Variants in SHISA5 observed in about 807,000 individuals in gnomAD.
SHISA5 encodes the protein shisa family member 5, also known as protein shisa-5.
SHISA5 carries 21 observed loss-of-function variants against 27.5 expected under a neutral mutation model. That is an observed-to-expected ratio of 0.76 (90% CI 0.54 to 1.10). SHISA5 has a LOEUF of 1.10. Ranked by LOEUF, SHISA5 falls within the 50% of genes least tolerant of loss-of-function variation. The pLI is 0.00. For missense variants in SHISA5, 314 were observed against 336.3 expected (o/e 0.93, Z 0.52); for synonymous variants, 137 against 142.2 (o/e 0.96, Z 0.26).
chr3:48,468,807 C>G lies in SHISA5; in HGVS notation c.*300G>C. 1 of 1,453,518 alleles carries G rather than the reference C, an allele frequency of 6.9e-7. No homozygotes were observed. The highest frequency in any genetic ancestry group is 9.1e-7 in the Non-Finnish European group (1 of 1,094,264). The allele number at this position is 1,453,518 out of a possible 1,614,324, so 90.0% of individuals were successfully genotyped here. A position where few individuals can be genotyped will look rare whatever the true frequency, so the allele number is the denominator to read the frequency against. Reference sequence around the variant, plus strand: ...GAGGCCCCCACCTCTCAGGGGCCACCTCACAGGGTGCCCCCCACCACCCCA... The same window carrying G: ...GAGGCCCCCACCTCTCAGGGGCCACGTCACAGGGTGCCCCCCACCACCCCA... On this transcript the variant is annotated 3_prime_UTR_variant, in exon 6 of 6. Transcript: ENST00000296444.
At chr3:48,482,937 T>C (rs1560126469) in intron 2 of SHISA5, among the ~76,000 whole-genome samples, 1 of 151,886 alleles carries the variant, frequency 6.6e-6, no homozygotes, top group East Asian at 1.9e-4. Context: ...CCGGCCTTTT[T>C]CTCTTTGACA....
At chr3:48,503,944 C>T in intron 1 of SHISA5, 75 bp downstream of exon 1, 2 of 1,412,544 alleles carry the variant, frequency 1.4e-6, no homozygotes, top group Non-Finnish European at 9.3e-7. Context: ...TGCTGCCCGG[C>T]TCGTTGGAGA....
rs1400599345 is a variant in SHISA5 at position 48,495,065 on chromosome 3, C to A, written c.233+6072G>T. Among the ~76,000 whole-genome samples the A allele has an allele frequency of 1.4e-5, 2 of 146,512 alleles. 1 individual carries two copies. Among genetic ancestry groups the A allele is most frequent in the African/African-American group, 5.5e-5 (2 of 36,642 alleles). ...CAAGCGATCCTCCTACCTCAGCCTC[C>A]CAAAGTGCTGGGATTACAGGTGTGA... On this transcript the variant is annotated intron_variant, in intron 2 of 5. Coordinates refer to ENST00000296444, the MANE Select transcript of SHISA5 (RefSeq NM_016479.6).
At chr3:48,492,284 C>T (rs1320381999) in intron 2 of SHISA5, among the ~76,000 whole-genome samples, 2 of 147,572 alleles carry the variant, frequency 1.4e-5, no homozygotes, top group African/African-American at 2.5e-5. Context: ...TCCTGGCAAA[C>T]ACGGTGAAAC....
chr3:48,476,981 G>GC (rs1256283609), intron 3 of SHISA5: 5 of 420,244 alleles, frequency 1.2e-5, no homozygotes, highest in Non-Finnish European at 2.3e-5. Context: ...GTGCCTCTGA[G>GC]CTGGCCCCAG....
chr3:48,483,102 T>TG (rs1261413575), intron 2 of SHISA5, among the ~76,000 whole-genome samples: 4 of 151,768 alleles, frequency 2.6e-5, no homozygotes, highest in Non-Finnish European at 5.9e-5. Flanking sequence ...TTTTTTTTTT[T>TG]TTTTTATTGA....
intron 2 of SHISA5, among the ~76,000 whole-genome samples, chr3:48,490,324 C>G (rs543636900): frequency 6.6e-6 from 1 of 152,256 alleles, no homozygotes; most frequent in African/African-American, 2.4e-5. Flanking sequence ...CCGCCCACCT[C>G]GGCTTCCCGA....
Position 48,469,858 on chromosome 3 carries a change from G to A in SHISA5, c.315-15C>T. ...TCGCTCCGAACCTGCCAAAGAGCTA[G>A]ACGTGACCCGGGGCACCTCGCCCCT... On this transcript the variant is annotated splice_polypyrimidine_tract_variant and intron_variant, in intron 3 of 5. Coordinates refer to ENST00000296444, the MANE Select transcript of SHISA5 (RefSeq NM_016479.6). This position sits in a 1 kb window ranked among gnomAD's most constrained non-coding sequence, Gnocchi z 4.6. 1 of 1,609,026 alleles carries A rather than the reference G, an allele frequency of 6.2e-7. No homozygotes were observed. Among genetic ancestry groups the A allele is most frequent in the Non-Finnish European group, 8.5e-7 (1 of 1,177,634 alleles).
intron 2 of SHISA5, among the ~76,000 whole-genome samples, chr3:48,485,969 C>T (rs567139611): frequency 2.6e-5 from 4 of 151,114 alleles, no homozygotes; most frequent in African/African-American, 9.7e-5. Context: ...AAAGCTGTAC[C>T]TTAAGAGGAA....
Position 48,470,409 on chromosome 3 carries a change from T to A in SHISA5, c.315-566A>T, listed in dbSNP as rs920695852. ...CACAACAGCCCCAGGGCAGGGAGGC[T>A]GGCCCCTGAGTGATAAGGACAGTTG... On this transcript the variant is annotated intron_variant, in intron 3 of 5. Coordinates refer to ENST00000296444, the MANE Select transcript of SHISA5 (RefSeq NM_016479.6). This position sits in a 1 kb window ranked among gnomAD's most constrained non-coding sequence, Gnocchi z 4.3. Among the ~76,000 whole-genome samples the A allele has an allele frequency of 2.0e-5, 3 of 152,216 alleles. No individual in the cohort carries two copies. The highest frequency in any genetic ancestry group is 7.2e-5 in the African/African-American group (3 of 41,444).
At chr3:48,489,289 G>A (rs2041348446) in intron 2 of SHISA5, among the ~76,000 whole-genome samples, 1 of 151,500 alleles carries the variant, frequency 6.6e-6, no homozygotes, top group Non-Finnish European at 1.5e-5. Context: ...CCCAGAGAAG[G>A]CAAAAGATTG....
chr3:48,479,114 C>G, intron 3 of SHISA5, 63 bp downstream of exon 3: 1 of 1,444,278 alleles, frequency 6.9e-7, no homozygotes, highest in South Asian at 1.2e-5. Context: ...TGCACACTGG[C>G]CCCCCTGAGC....
At chr3:48,482,761 G>T in intron 2 of SHISA5, among the ~76,000 whole-genome samples, 1 of 151,550 alleles carries the variant, frequency 6.6e-6, no homozygotes. Context: ...TCAGCCTCCT[G>T]AGTAGCTGGG....
rs373438246 is a variant in SHISA5, at chr3:48,473,162, C to T, written c.315-3319G>A. ...TGACGTCAGCCACAGGAAGCACAGACGCGAAGCCCCGTTCCACCCTCTTAA... is the reference window on the plus strand; with the variant it reads ...TGACGTCAGCCACAGGAAGCACAGATGCGAAGCCCCGTTCCACCCTCTTAA... On this transcript the variant is annotated intron_variant, in intron 3 of 5. Coordinates refer to ENST00000296444, the MANE Select transcript of SHISA5 (RefSeq NM_016479.6). This position sits in a 1 kb window ranked among gnomAD's most constrained non-coding sequence, Gnocchi z 4.3. 12 of 1,445,200 alleles carry T rather than the reference C, an allele frequency of 8.3e-6. No individual in the cohort carries two copies. Among genetic ancestry groups the T allele is most frequent in the Non-Finnish European group, 1.0e-5 (11 of 1,102,308 alleles). The allele number at this position is 1,445,200 out of a possible 1,614,324, so 89.5% of individuals were successfully genotyped here.
In SHISA5 at chr3:48,468,255, G is replaced by C; in HGVS notation, c.*852C>G. The C allele has an allele frequency of 1.0e-6, 1 of 1,000,006 alleles. No homozygotes were observed. The highest frequency in any genetic ancestry group is 1.2e-6 in the Non-Finnish European group (1 of 838,102). 61.9% of individuals were successfully genotyped at this position (1,000,006 alleles called of 1,614,324 possible). A position where few individuals can be genotyped will look rare whatever the true frequency, so the allele number is the denominator to read the frequency against. On this transcript the variant is annotated 3_prime_UTR_variant, in exon 6 of 6. Coordinates refer to ENST00000296444, the MANE Select transcript of SHISA5 (RefSeq NM_016479.6). ...AAACAGAAAACAGGCAAAATGTTTG[G>C]CTAAAATAAAATGAAAACACTGCAG...
At chr3:48,490,253 A>G (rs1441789487) in intron 2 of SHISA5, among the ~76,000 whole-genome samples, 1 of 152,106 alleles carries the variant, frequency 6.6e-6, no homozygotes, top group Non-Finnish European at 1.5e-5. Context: ...TTGCATTATT[A>G]ATACAGATGG....
intron 3 of SHISA5, among the ~76,000 whole-genome samples, chr3:48,474,847 C>A (rs1306823057): frequency 3.9e-5 from 6 of 152,002 alleles, no homozygotes; most frequent in Non-Finnish European, 7.4e-5. Context: ...CTCAGCCACA[C>A]CTAACTCATT....
intron 1 of SHISA5, chr3:48,502,637 T>G: frequency 3.0e-6 from 1 of 338,408 alleles, no homozygotes; most frequent in Non-Finnish European, 5.9e-6. Context: ...TTCCCATGTA[T>G]CCTCAGGCTA....
rs140415087 is a variant in SHISA5 at position 48,499,405 on chromosome 3, G to A, written c.233+1732C>T. ...TTTAAAAAAAGAAATACCATCAGGC[G>A]CGGTGGCTCATGCCTGTTATCCCAG... On this transcript the variant is annotated intron_variant, in intron 2 of 5. Coordinates refer to ENST00000296444, the MANE Select transcript of SHISA5 (RefSeq NM_016479.6). Among the ~76,000 whole-genome samples the A allele has an allele frequency of 4.4e-3, 667 of 152,114 alleles. 5 individuals are homozygous for A. Among genetic ancestry groups the A allele is most frequent in the African/African-American group, 0.012 (510 of 41,522 alleles).
Sources: gnomAD v4.1 joint callset for allele counts (sites outside exome capture counted in the v4.1 genomes callset) on GRCh38, gnomAD v4.1.1 for gene constraint, Gnocchi (gnomAD v3.1) non-coding constraint, MANE v1.5 for transcripts, NCBI Gene and HGNC (gene_info 2026-07-23, HGNC 2026-07-21) for gene names.